Variants in SESN3 observed in about 807,000 individuals in gnomAD.
SESN3 encodes sestrin-3.
In SESN3, 21 loss-of-function variants were observed where a neutral mutation model predicts 55.3. The ratio of observed to expected loss-of-function variants is 0.38; its 90% confidence interval spans 0.27 to 0.55. The LOEUF (loss-of-function observed/expected upper bound fraction) is 0.55. Among genes scored for constraint, SESN3 ranks in the 20% least tolerant of loss-of-function variants. The pLI is 0.76. For missense variants in SESN3, 408 were observed against 604.3 expected (o/e 0.68, Z 3.41); for synonymous variants, 181 against 203.1 (o/e 0.89, Z 0.93).
rs7129411 is a variant in SESN3 at position 95,218,645 on chromosome 11, C to T, written c.78+12138G>A. On this transcript the variant is annotated intron_variant, in intron 1 of 9. Transcript: ENST00000536441. ...CCATCTACCTAAACATAGATTTACC[C>T]TCTTTTTTTTTTTTTTTTTTTTTGA... Among the ~76,000 whole-genome samples the T allele has an allele frequency of 5.3e-3, 775 of 146,530 alleles. 9 individuals are homozygous for T. The highest frequency in any genetic ancestry group is 0.018 in the African/African-American group (742 of 40,152).
chr11:95,222,600 G>T (rs978332622), intron 1 of SESN3, among the ~76,000 whole-genome samples: 1 of 152,028 alleles, frequency 6.6e-6, no homozygotes, highest in Non-Finnish European at 1.5e-5. Context: ...CCATTAACTA[G>T]ATCCCAAATA....
At chr11:95,176,949 A>C (rs919657172) in intron 8 of SESN3, among the ~76,000 whole-genome samples, 3 of 152,190 alleles carry the variant, frequency 2.0e-5, no homozygotes, top group African/African-American at 7.2e-5. Context: ...TTTATCAGTA[A>C]ATTTTGGGGT....
Position 95,197,063 on chromosome 11 carries a change from C to A in SESN3, c.79-3541G>T, listed in dbSNP as rs141012131. 1.5e-4 allele frequency among the ~76,000 whole-genome samples: 23 copies of A among 152,308 alleles called. No homozygotes were observed. The East Asian group carries it at 4.4e-3, about 29-fold the overall frequency. On this transcript the variant is annotated intron_variant, in intron 1 of 9. Transcript: ENST00000536441. ...CAATTTCTGCTTACATTACAGTCCC[C>A]AGAAAAGTATCAAGGGCACGCTCAC...
At chr11:95,186,534 C>A (rs186919006) in intron 4 of SESN3, among the ~76,000 whole-genome samples, 16 of 151,880 alleles carry the variant, frequency 1.1e-4, no homozygotes, top group African/African-American at 3.9e-4. Context: ...GGAATAAATT[C>A]TAGTGTTCCA....
intron 7 of SESN3, among the ~76,000 whole-genome samples, chr11:95,178,135 C>T (rs1463584953): frequency 1.3e-5 from 2 of 152,130 alleles, no homozygotes; most frequent in African/African-American, 4.8e-5. Context: ...GTGATGAACT[C>T]TGGTCATCTC....
chr11:95,174,834 G>A (rs1859925388), intron 9 of SESN3, among the ~76,000 whole-genome samples: 1 of 151,812 alleles, frequency 6.6e-6, no homozygotes, highest in Non-Finnish European at 1.5e-5. Context: ...TTATTGACTA[G>A]TAACCCAATT....
intron 1 of SESN3, among the ~76,000 whole-genome samples, chr11:95,216,623 C>T (rs1860761732): frequency 6.6e-6 from 1 of 152,018 alleles, no homozygotes; most frequent in Non-Finnish European, 1.5e-5. Context: ...CATTGAGGTG[C>T]TTATTATCAA....
chr11:95,182,202 T>G (rs1231940619), intron 6 of SESN3: 1 of 318,282 alleles, frequency 3.1e-6, no homozygotes, highest in Non-Finnish European at 6.2e-6. Context: ...TTGATATTTT[T>G]CAAGCTTTAG....
At chr11:95,217,704 C>T (rs1447809895) in intron 1 of SESN3, among the ~76,000 whole-genome samples, 1 of 150,322 alleles carries the variant, frequency 6.7e-6, no homozygotes, top group Non-Finnish European at 1.5e-5. Context: ...AGGAAGAATT[C>T]TGACTGAATA....
intron 1 of SESN3, chr11:95,201,196 C>T (rs946676279): frequency 6.6e-6 from 1 of 151,842 alleles, no homozygotes; most frequent in African/African-American, 2.4e-5. Flanking sequence ...ATAAATTTTA[C>T]TTGTTTTACT....
At position 95,175,567 on chromosome 11, in the gene SESN3, G is replaced by A; in HGVS notation, c.1323C>T (p.Thr441=). 6.2e-7 allele frequency: 1 copy of A among 1,613,706 alleles called. No individual in the cohort carries two copies. ...GTTTTGTAGTTCTCTCAGGATAGCA[G>A]GTCACTGTCTTAATGTAAACCTTCA... The part of the protein sequence containing the change: ...RSLKVYIKTV[T]CYPERTTKRM... The change falls in exon 9 of 10, where the codon ACC becomes ACT. Residue 441 remains threonine, a synonymous_variant. Transcript: ENST00000536441.
rs960143805 is a variant in SESN3 at position 95,172,523 on chromosome 11, C to A, written c.*732G>T. The A allele has an allele frequency of 2.0e-5, 3 of 152,142 alleles. No homozygotes were observed. The highest frequency in any genetic ancestry group is 7.2e-5 in the African/African-American group (3 of 41,418). The allele number at this position is 152,142 out of a possible 1,614,324, so 9.4% of individuals were successfully genotyped here. On this transcript the variant is annotated 3_prime_UTR_variant, in exon 10 of 10. Coordinates refer to ENST00000536441, the MANE Select transcript of SESN3 (RefSeq NM_144665.4). ...ATACATCTGATATGGAAAACTGAAACTTCCATTTTAGAAGAGAAAGAAAAT... is the reference window on the plus strand; with the variant it reads ...ATACATCTGATATGGAAAACTGAAAATTCCATTTTAGAAGAGAAAGAAAAT...
Position 95,230,561 on chromosome 11 carries a change from T to C in SESN3, c.78+222A>G. 1.9e-6 allele frequency: 1 copy of C among 530,706 alleles called. No individual in the cohort carries two copies. The highest frequency in any genetic ancestry group is 3.3e-6 in the Non-Finnish European group (1 of 301,888). 32.9% of individuals were successfully genotyped at this position (530,706 alleles called of 1,614,324 possible). ...AAAAGGAACAAGGGAAGAAAAAATA[T>C]CCCAACCCCTCCAGACTTGGGTCTG... On this transcript the variant is annotated intron_variant, in intron 1 of 9. Coordinates refer to ENST00000536441, the MANE Select transcript of SESN3 (RefSeq NM_144665.4). The surrounding 1 kb of genome is among the most constrained non-coding windows in gnomAD (Gnocchi z 4.6).
intron 1 of SESN3, among the ~76,000 whole-genome samples, chr11:95,229,926 C>CA (rs35284240): frequency 6.6e-6 from 1 of 152,168 alleles, no homozygotes; most frequent in Non-Finnish European, 1.5e-5. Flanking sequence ...AAAATCTGAT[C>CA]AAAAAGTCTA....
intron 1 of SESN3, among the ~76,000 whole-genome samples, chr11:95,216,022 C>T (rs1013759226): frequency 7.6e-5 from 11 of 145,048 alleles, no homozygotes; most frequent in African/African-American, 1.8e-4. Context: ...GGCGTGAACT[C>T]GGGAGGCGGA....
chr11:95,209,079 T>C (rs1360317345), intron 1 of SESN3, among the ~76,000 whole-genome samples: 1 of 151,182 alleles, frequency 6.6e-6, no homozygotes, highest in South Asian at 2.1e-4. Flanking sequence ...TGGGATCTAA[T>C]TAAACTAAAG....
Position 95,230,767 on chromosome 11 carries a change from C to T in SESN3, c.78+16G>A, listed in dbSNP as rs1296957275. On this transcript the variant is annotated intron_variant, in intron 1 of 9. Transcript: ENST00000536441. The surrounding 1 kb of genome is among the most constrained non-coding windows in gnomAD (Gnocchi z 4.6). ...GAAGCGACCCTCGCCGGCAGGACCC[C>T]GGGCCGAACCCGTACCTTCCGCAGC... 1.9e-6 allele frequency: 3 copies of T among 1,594,694 alleles called. No individual in the cohort carries two copies. Among genetic ancestry groups the T allele is most frequent in the Non-Finnish European group, 2.6e-6 (3 of 1,169,982 alleles).
rs1859772923 is a variant in SESN3, at chr11:95,167,507, G to A, written c.*5748C>T. ...ATAATTTTTCATTCTGTACTTCATG[G>A]TGGTACAGTCATAATTAGGTTAAAG... On this transcript the variant is annotated 3_prime_UTR_variant, in exon 10 of 10. Transcript: ENST00000536441. 1 of 150,594 alleles carries A rather than the reference G, an allele frequency of 6.6e-6. No individual in the cohort carries two copies. Among genetic ancestry groups the A allele is most frequent in the African/African-American group, 2.5e-5 (1 of 40,044 alleles). 9.3% of individuals were successfully genotyped at this position (150,594 alleles called of 1,614,324 possible).
intron 1 of SESN3, among the ~76,000 whole-genome samples, chr11:95,194,091 G>T (rs779128780): frequency 3.3e-5 from 5 of 151,976 alleles, no homozygotes; most frequent in Non-Finnish European, 7.4e-5. Context: ...CTATTCTATT[G>T]GTGGTATTAA....
Sources: allele counts gnomAD v4.1 joint callset (sites outside exome capture counted in the v4.1 genomes callset), GRCh38; gene constraint gnomAD v4.1.1; non-coding constraint Gnocchi (gnomAD v3.1); transcripts MANE v1.5; gene names NCBI Gene and HGNC (gene_info 2026-07-23, HGNC 2026-07-21).